Variants in TMCC3 observed in about 807,000 individuals in gnomAD.
TMCC3 encodes the protein transmembrane and coiled-coil domain family 3, also known as transmembrane and coiled-coil domain protein 3.
Under a neutral mutation model 40.2 loss-of-function variants are expected in TMCC3, and 28 were observed. That is an observed-to-expected ratio of 0.70 (90% CI 0.52 to 0.95). The LOEUF is 0.95. Ranked by LOEUF, TMCC3 falls within the 40% of genes least tolerant of loss-of-function variation. TMCC3 has a pLI of 0.00. For synonymous variants in TMCC3, 255 were observed against 248.5 expected, an observed-to-expected ratio of 1.03 and a Z score of -0.25; for missense variants, 554 against 615.2, an observed-to-expected ratio of 0.90 and a Z score of 1.05.
At chr12:94,615,231 G>A (rs541744057) in intron 1 of TMCC3, among the ~76,000 whole-genome samples, 4 of 152,220 alleles carry the variant, frequency 2.6e-5, no homozygotes, top group Non-Finnish European at 4.4e-5. Flanking sequence ...TTTCCTGTGA[G>A]ATCAAAGGCT....
Position 94,607,444 on chromosome 12 carries a change from G to A in TMCC3, c.79-24906C>T, listed in dbSNP as rs150616352. The stretch of plus-strand genomic sequence containing the variant: ...TGTCCATGAAACCCTCACAATTTAT[G>A]TTCAGAGATTGCAGTAAAGACAGGC... On this transcript the variant is annotated intron_variant, in intron 1 of 3. Transcript: ENST00000261226. Among the ~76,000 whole-genome samples the A allele has an allele frequency of 7.8e-3, 1,192 of 152,326 alleles. 8 individuals carry two copies. Among genetic ancestry groups the A allele is most frequent in the Non-Finnish European group, 0.011 (776 of 68,026 alleles).
intron 1 of TMCC3, among the ~76,000 whole-genome samples, chr12:94,598,029 C>T (rs899211936): frequency 2.6e-5 from 4 of 152,134 alleles, no homozygotes; most frequent in Non-Finnish European, 2.9e-5. Context: ...AGAATCTTGC[C>T]AGGATCATTC....
intron 1 of TMCC3, among the ~76,000 whole-genome samples, chr12:94,630,336 C>T (rs1343746220): frequency 2.0e-5 from 3 of 152,100 alleles, no homozygotes; most frequent in Admixed American, 6.5e-5. Flanking sequence ...CATGACCTGA[C>T]CTGGAGGTAG....
chr12:94,578,165 A>AAAAAAAGAAAG (rs1467855760), intron 3 of TMCC3, among the ~76,000 whole-genome samples: 1 of 123,370 alleles, frequency 8.1e-6, no homozygotes, highest in Non-Finnish European at 1.6e-5. Context: ...AAAAAAAAAA[A>AAAAAAAGAAAG]AAAGAAAAAG....
At position 94,568,827 on chromosome 12, in the gene TMCC3, A is replaced by C. The variant is rs2068510024; in HGVS notation, c.*2608T>G. ...GGTTATTTGACATTTAGTGAGAGTC[A>C]ATGAAAATATGAATTATTTCAAAGG... On this transcript the variant is annotated 3_prime_UTR_variant, in exon 4 of 4. Transcript: ENST00000261226. 1 of 152,246 alleles carries C rather than the reference A, an allele frequency of 6.6e-6. No individual in the cohort carries two copies. The highest frequency in any genetic ancestry group is 1.5e-5 in the Non-Finnish European group (1 of 68,044). 9.4% of individuals were successfully genotyped at this position (152,246 alleles called of 1,614,324 possible).
At position 94,569,465 on chromosome 12, in the gene TMCC3, G is replaced by A. The variant is rs1428193768; in HGVS notation, c.*1970C>T. ...CAGGGGGAGTCTGACAATGAAAGGA[G>A]AGACAGCCATGAGATCAGGGTGGGA... On this transcript the variant is annotated 3_prime_UTR_variant, in exon 4 of 4. Transcript: ENST00000261226. 1 of 152,212 alleles carries A rather than the reference G, an allele frequency of 6.6e-6. No homozygotes were observed. The highest frequency in any genetic ancestry group is 6.5e-5 in the Admixed American group (1 of 15,288). The allele number at this position is 152,212 out of a possible 1,614,324, so 9.4% of individuals were successfully genotyped here. A position where few individuals can be genotyped will look rare whatever the true frequency, so the allele number is the denominator to read the frequency against.
At chr12:94,624,730 A>G (rs1206204149) in intron 1 of TMCC3, among the ~76,000 whole-genome samples, 1 of 124,814 alleles carries the variant, frequency 8.0e-6, no homozygotes, top group Non-Finnish European at 1.7e-5. Flanking sequence ...AAAAAAATAT[A>G]TTGTTCAGCC....
At position 94,571,022 on chromosome 12, in the gene TMCC3, C is replaced by G. The variant is rs541605981; in HGVS notation, c.*413G>C. The G allele has an allele frequency of 1.0e-4, 21 of 206,988 alleles. No individual in the cohort carries two copies. The South Asian group carries it at 1.8e-3, about 17-fold the overall frequency. The allele number at this position is 206,988 out of a possible 1,614,324, so 12.8% of individuals were successfully genotyped here. Reference sequence around the variant, plus strand: ...GCCTGTGATTCTTCATTCCCTGAATCATGCATATCCTTGCTTTTTATAGGA... The same window carrying G: ...GCCTGTGATTCTTCATTCCCTGAATGATGCATATCCTTGCTTTTTATAGGA... On this transcript the variant is annotated 3_prime_UTR_variant, in exon 4 of 4. Coordinates refer to ENST00000261226, the MANE Select transcript of TMCC3 (RefSeq NM_020698.4).
intron 1 of TMCC3, among the ~76,000 whole-genome samples, chr12:94,629,566 TC>T (rs1487139962): frequency 6.6e-6 from 1 of 152,122 alleles, no homozygotes; most frequent in East Asian, 1.9e-4. Context: ...TAAAGCAGCC[TC>T]CCCTTACATT....
At chr12:94,578,146 C>CAAAAAAAAAAAAAA (rs1183420863) in intron 3 of TMCC3, among the ~76,000 whole-genome samples, 5 of 34,832 alleles carry the variant, frequency 1.4e-4, no homozygotes, top group East Asian at 7.9e-4. Flanking sequence ...AGACTCACCT[C>CAAAAAAAAAAAAAA]AAAAAAAAAA....
intron 1 of TMCC3, among the ~76,000 whole-genome samples, chr12:94,606,415 G>A (rs377620359): frequency 6.1e-5 from 9 of 146,466 alleles, no homozygotes; most frequent in African/African-American, 2.3e-4. Flanking sequence ...CACCCAGGCT[G>A]GAGTGCAGTG....
chr12:94,605,487 G>C lies in TMCC3; in HGVS notation c.79-22949C>G, dbSNP rs543402728. On this transcript the variant is annotated intron_variant, in intron 1 of 3. Coordinates refer to ENST00000261226, the MANE Select transcript of TMCC3 (RefSeq NM_020698.4). ...AAGTAAGCGTCTATCTGGGATGCTG[G>C]GATCATGTAATTTGGACTTTTCCTT... Among the ~76,000 whole-genome samples, 47 of 152,140 alleles carry C rather than the reference G, an allele frequency of 3.1e-4. No individual in the cohort carries two copies. In the South Asian group the frequency reaches 9.1e-3, roughly 30 times the overall value.
In TMCC3 at chr12:94,571,538, C is replaced by T. The variant is rs748079270; in HGVS notation, c.1331G>A (p.Cys444Tyr). The T allele has an allele frequency of 1.9e-6, 3 of 1,614,158 alleles. No homozygotes were observed. The South Asian group carries it at 3.3e-5, about 18-fold the overall frequency. ...KFVSPMMKSR[C>Y]HILGTFFAVT... ...GGCAAAGAAGGTGCCAAGAATGTGG[C>T]AGCGACTCTTCATCATGGGTGAGAC... Residue 444 changes from cysteine to tyrosine, a missense_variant, in exon 4 of 4, where the codon TGC (cysteine) becomes TAC (tyrosine). Transcript: ENST00000261226.
At chr12:94,640,911 C>T (rs894093921) in intron 1 of TMCC3, among the ~76,000 whole-genome samples, 1 of 152,116 alleles carries the variant, frequency 6.6e-6, no homozygotes, top group Non-Finnish European at 1.5e-5. Flanking sequence ...AAGAAGTAAA[C>T]CATTGGGGCC....
At position 94,569,159 on chromosome 12, in the gene TMCC3, C is replaced by T. The variant is rs2068511681; in HGVS notation, c.*2276G>A. 1 of 152,290 alleles carries T rather than the reference C, an allele frequency of 6.6e-6. No individual in the cohort carries two copies. The highest frequency in any genetic ancestry group is 1.5e-5 in the Non-Finnish European group (1 of 68,084). 9.4% of individuals were successfully genotyped at this position (152,290 alleles called of 1,614,324 possible). A position where few individuals can be genotyped will look rare whatever the true frequency, so the allele number is the denominator to read the frequency against. ...AGACATCTCTCCTTCTCTAAACTAA[C>T]AGCAGCACTCAATCCCTGGTGTGTC... is the stretch of plus-strand genomic sequence containing the variant. On this transcript the variant is annotated 3_prime_UTR_variant, in exon 4 of 4. Transcript: ENST00000261226.
At chr12:94,593,391 A>AAG (rs1555282847) in intron 1 of TMCC3, among the ~76,000 whole-genome samples, 1 of 62,732 alleles carries the variant, frequency 1.6e-5, no homozygotes. Flanking sequence ...AAGAAAGAAG[A>AAG]AAGAAGAAAG....
intron 1 of TMCC3, among the ~76,000 whole-genome samples, chr12:94,608,453 T>A (rs1344573255): frequency 6.6e-6 from 1 of 152,158 alleles, no homozygotes; most frequent in East Asian, 1.9e-4. Flanking sequence ...GCCTCCCACA[T>A]ACTCTAACAT....
At chr12:94,573,546 C>T (rs2068545836) in intron 3 of TMCC3, among the ~76,000 whole-genome samples, 1 of 152,140 alleles carries the variant, frequency 6.6e-6, no homozygotes, top group Non-Finnish European at 1.5e-5. Flanking sequence ...ATGCCAGCCG[C>T]TTGCCCTGTC....
chr12:94,626,139 T>G (rs1490268206), intron 1 of TMCC3, among the ~76,000 whole-genome samples: 3 of 152,076 alleles, frequency 2.0e-5, no homozygotes, highest in African/African-American at 7.2e-5. Flanking sequence ...AAACTACCAT[T>G]TATAAAACCA....
Sources: allele counts gnomAD v4.1 joint callset (sites outside exome capture counted in the v4.1 genomes callset), GRCh38; gene constraint gnomAD v4.1.1; transcripts MANE v1.5; gene names NCBI Gene and HGNC (gene_info 2026-07-23, HGNC 2026-07-21).